The following PCDH9 variants were observed in gnomAD, a reference collection of about 807,000 sequenced individuals.
PCDH9 encodes the protein protocadherin-9.
A neutral mutation model predicts 70.6 loss-of-function variants in PCDH9; 24 were observed. The ratio of observed to expected loss-of-function variants is 0.34; its 90% confidence interval spans 0.25 to 0.48. The LOEUF (loss-of-function observed/expected upper bound fraction) is 0.48, where lower values mean the gene tolerates loss of function less well. PCDH9 is among the 20% of genes least tolerant of loss of function. The pLI is 0.99. For synonymous variants in PCDH9, 562 were observed against 558.5 expected (o/e 1.01, Z -0.09); for missense variants, 1,281 against 1,503.6 (o/e 0.85, Z 2.45).
intron 4 of PCDH9, among the ~76,000 whole-genome samples, chr13:66,441,948 C>T (rs74095203): frequency 0.024 from 3,645 of 152,102 alleles, 142 homozygotes; most frequent in African/African-American, 0.084. Context: ...AAGTTATGTA[C>T]GCAAATAACA....
intron 4 of PCDH9, among the ~76,000 whole-genome samples, chr13:66,437,553 A>G (rs1004616571): frequency 9.2e-5 from 14 of 152,158 alleles, no homozygotes; most frequent in African/African-American, 3.4e-4. Flanking sequence ...AAAGATGCTC[A>G]ATAAAATTAG....
chr13:66,359,694 T>C (rs1012156255), intron 4 of PCDH9, among the ~76,000 whole-genome samples: 3 of 152,082 alleles, frequency 2.0e-5, no homozygotes, highest in Non-Finnish European at 4.4e-5. Flanking sequence ...AGCAAAACTA[T>C]TTCTTCTCTG....
intron 4 of PCDH9, among the ~76,000 whole-genome samples, chr13:66,410,862 C>T (rs1301835813): frequency 6.6e-6 from 1 of 151,974 alleles, no homozygotes; most frequent in Non-Finnish European, 1.5e-5. Context: ...ATCTCTGTTA[C>T]CAAAAAATCT....
intron 4 of PCDH9, among the ~76,000 whole-genome samples, chr13:66,486,898 G>A (rs2138522724): frequency 6.6e-6 from 1 of 152,234 alleles, no homozygotes; most frequent in South Asian, 2.1e-4. Flanking sequence ...TGTAGTGGTA[G>A]TGCAATTTCA....
intron 4 of PCDH9, among the ~76,000 whole-genome samples, chr13:66,470,127 C>T (rs1353923217): frequency 4.6e-5 from 7 of 152,064 alleles, no homozygotes; most frequent in Non-Finnish European, 1.0e-4. Flanking sequence ...GTGATTGATG[C>T]CACTTCTATA....
chr13:66,923,236 A>G lies in PCDH9; in HGVS notation c.3037-19631T>C, dbSNP rs768933453. Among the ~76,000 whole-genome samples, 9 of 151,722 alleles carry G rather than the reference A, an allele frequency of 5.9e-5. No individual in the cohort carries two copies. The East Asian group carries it at 1.7e-3, about 29-fold the overall frequency. On this transcript the variant is annotated intron_variant, in intron 2 of 4. Coordinates refer to ENST00000377865, the MANE Select transcript of PCDH9 (RefSeq NM_203487.3). ...ATAAACTGCTGCACCTGGCTAGTAC[A>G]CATAAACAGTTTTATAATTGACACA...
intron 4 of PCDH9, among the ~76,000 whole-genome samples, chr13:66,530,485 G>A (rs140349840): frequency 6.6e-6 from 1 of 151,328 alleles, no homozygotes; most frequent in East Asian, 1.9e-4. Flanking sequence ...GTGTCTTTAT[G>A]GTATCTTTTT....
intron 2 of PCDH9, among the ~76,000 whole-genome samples, chr13:66,952,878 C>T (rs1260188775): frequency 6.6e-6 from 1 of 152,118 alleles, no homozygotes. Context: ...CCCTCCCTGC[C>T]TCCTAACTCT....
At chr13:66,311,199 C>T (rs1318217250) in intron 4 of PCDH9, among the ~76,000 whole-genome samples, 1 of 151,994 alleles carries the variant, frequency 6.6e-6, no homozygotes, top group East Asian at 1.9e-4. Flanking sequence ...TGTTCTTTGC[C>T]TTAACCAATC....
chr13:67,135,690 G>A (rs913952061), intron 2 of PCDH9, among the ~76,000 whole-genome samples: 2 of 152,156 alleles, frequency 1.3e-5, no homozygotes, highest in South Asian at 4.1e-4. Context: ...TTGAAAATAC[G>A]TGCAGTCAAT....
intron 3 of PCDH9, among the ~76,000 whole-genome samples, chr13:66,635,390 T>C (rs2077624509): frequency 6.6e-6 from 1 of 152,168 alleles, no homozygotes; most frequent in Admixed American, 6.5e-5. Context: ...CACACTTTAT[T>C]TTCTGTCAGG....
intron 4 of PCDH9, among the ~76,000 whole-genome samples, chr13:66,441,883 C>T (rs1340434921): frequency 6.6e-6 from 1 of 152,086 alleles, no homozygotes; most frequent in Non-Finnish European, 1.5e-5. Flanking sequence ...TGGGTTTCTA[C>T]ATTATAAGTT....
intron 3 of PCDH9, among the ~76,000 whole-genome samples, chr13:66,830,302 G>C (rs1034886517): frequency 1.2e-4 from 18 of 152,264 alleles, no homozygotes; most frequent in Admixed American, 1.0e-3. Context: ...CTAAAGTCTA[G>C]AGGCTGCTTC....
chr13:66,730,877 T>TGTGTG (rs1423817245), intron 3 of PCDH9, among the ~76,000 whole-genome samples: 2 of 14,162 alleles, frequency 1.4e-4, no homozygotes, highest in South Asian at 8.8e-3. Context: ...TGTGTGTGTG[T>TGTGTG]TTTTTTTTTG....
At chr13:67,122,809 A>C (rs1024752389) in intron 2 of PCDH9, among the ~76,000 whole-genome samples, 1 of 126,954 alleles carries the variant, frequency 7.9e-6, no homozygotes. Context: ...TAATAATAAT[A>C]ATCCTTTTTA....
chr13:66,564,669 C>A (rs1351559475), intron 4 of PCDH9, among the ~76,000 whole-genome samples: 2 of 151,934 alleles, frequency 1.3e-5, no homozygotes, highest in Admixed American at 6.6e-5. Context: ...TATTTGAATT[C>A]TTCTCTCTAA....
chr13:66,656,199 T>C (rs1054833264), intron 3 of PCDH9, among the ~76,000 whole-genome samples: 2 of 151,702 alleles, frequency 1.3e-5, no homozygotes, highest in Admixed American at 1.3e-4. Flanking sequence ...AGCCTGTTAC[T>C]GAACAAAGTC....
rs115187385 is a variant in PCDH9, at chr13:67,085,932, C to A, written c.3036+139473G>T. On this transcript the variant is annotated intron_variant, in intron 2 of 4. Transcript: ENST00000377865. Reference sequence around the variant, plus strand: ...GTTTCAGAATCCGTCAAGTGAAAAACAAAAATTATTGATCCAAAAGGACGC... The same window carrying A: ...GTTTCAGAATCCGTCAAGTGAAAAAAAAAAATTATTGATCCAAAAGGACGC... 7.9e-3 allele frequency among the ~76,000 whole-genome samples: 1,195 copies of A among 152,122 alleles called. 22 individuals are homozygous for A. The highest frequency in any genetic ancestry group is 0.027 in the African/African-American group (1,112 of 41,506).
intron 3 of PCDH9, among the ~76,000 whole-genome samples, chr13:66,784,113 G>C (rs1160164474): frequency 6.6e-6 from 1 of 152,098 alleles, no homozygotes; most frequent in Non-Finnish European, 1.5e-5. Context: ...TGAGGATGCT[G>C]TTTACCTACC....
Sources: allele counts gnomAD v4.1 joint callset (sites outside exome capture counted in the v4.1 genomes callset), GRCh38; gene constraint gnomAD v4.1.1; transcripts MANE v1.5; gene names NCBI Gene and HGNC (gene_info 2026-07-23, HGNC 2026-07-21).